The following ACSL5 variants were observed in gnomAD, a reference collection of about 807,000 sequenced individuals.
The protein encoded by ACSL5 is long-chain-fatty-acid--CoA ligase 5.
A neutral mutation model predicts 84.9 loss-of-function variants in ACSL5; 50 were observed. The ratio of observed to expected loss-of-function variants is 0.59; its 90% CI spans 0.47 to 0.75. The LOEUF is 0.75. ACSL5 is among the 30% of genes least tolerant of loss of function. The probability of loss-of-function intolerance (pLI) is 0.00; values close to 1 mark genes in which losing one functional copy is unlikely to be tolerated. For missense variants in ACSL5, 775 were observed against 830.4 expected (o/e 0.93, Z 0.82); for synonymous variants, 280 against 300.7 (o/e 0.93, Z 0.71).
At chr10:112,414,352 C>CTTT (rs34464188) in intron 12 of ACSL5, among the ~76,000 whole-genome samples, 62 of 85,492 alleles carry the variant, frequency 7.3e-4, no homozygotes, top group African/African-American at 9.7e-4. Context: ...TTCAGTGATT[C>CTTT]TTTTTTTTTT....
chr10:112,401,565 G>T (rs115591215), intron 3 of ACSL5, among the ~76,000 whole-genome samples: 1,694 of 152,362 alleles, frequency 0.011, 39 homozygotes, highest in African/African-American at 0.038. Flanking sequence ...TTAATGAAAG[G>T]CTAGGCTGTT....
At chr10:112,377,460 G>C (rs1385746691) in intron 1 of ACSL5, among the ~76,000 whole-genome samples, 1 of 152,160 alleles carries the variant, frequency 6.6e-6, no homozygotes, top group Non-Finnish European at 1.5e-5. Context: ...CTTGAACCTA[G>C]GAGGCGGAGG....
Position 112,426,238 on chromosome 10 carries a change from C to T in ACSL5, c.1738-20C>T. The T allele has an allele frequency of 6.2e-7, 1 of 1,604,064 alleles. No individual in the cohort carries two copies. The highest frequency in any genetic ancestry group is 8.5e-7 in the Non-Finnish European group (1 of 1,170,904). On this transcript the variant is annotated intron_variant, in intron 18 of 20. Coordinates refer to ENST00000354655, the MANE Select transcript of ACSL5 (RefSeq NM_203379.2). Reference sequence around the variant, plus strand: ...CATAACTTCTCTCATGCCCTTGCACCTTTTATTTCCTTTCCATAGTCATCC... The same window carrying T: ...CATAACTTCTCTCATGCCCTTGCACTTTTTATTTCCTTTCCATAGTCATCC...
At chr10:112,414,265 A>G (rs1225584826) in intron 12 of ACSL5, among the ~76,000 whole-genome samples, 1 of 152,062 alleles carries the variant, frequency 6.6e-6, no homozygotes, top group Non-Finnish European at 1.5e-5. Flanking sequence ...TTTGTGCCTC[A>G]GCAATCTTCA....
intron 1 of ACSL5, among the ~76,000 whole-genome samples, chr10:112,392,124 G>A (rs1843654507): frequency 6.6e-6 from 1 of 152,188 alleles, no homozygotes; most frequent in South Asian, 2.1e-4. Flanking sequence ...TGTTGGTAAG[G>A]ATCTCTTAAT....
chr10:112,424,479 T>G (rs1844593522), intron 17 of ACSL5: 1 of 152,234 alleles, frequency 6.6e-6, no homozygotes, highest in African/African-American at 2.4e-5. Context: ...GCTAATATAT[T>G]TGTTTCTGTC....
chr10:112,376,676 C>T lies in ACSL5; in HGVS notation c.-30+2407C>T, dbSNP rs555733222. On this transcript the variant is annotated intron_variant, in intron 1 of 20. Transcript: ENST00000354655. ...AAGGATGTGGGGCATGCATGGGGCT[C>T]ACTTTCCTTCTCTCGACTCTCTTGG... Among the ~76,000 whole-genome samples, 220 of 152,164 alleles carry T rather than the reference C, an allele frequency of 1.4e-3. 1 individual carries two copies. Among genetic ancestry groups the T allele is most frequent in the Middle Eastern group, 3.4e-3 (1 of 294 alleles).
At chr10:112,426,520 T>A (rs1844723247) in intron 19 of ACSL5, 161 bp downstream of exon 19, 1 of 637,482 alleles carries the variant, frequency 1.6e-6, no homozygotes, top group Non-Finnish European at 2.7e-6. Context: ...AAAATAAAAC[T>A]CTCTTTTCTA....
At chr10:112,401,698 C>A (rs190278634) in intron 3 of ACSL5, among the ~76,000 whole-genome samples, 80 of 152,334 alleles carry the variant, frequency 5.3e-4, no homozygotes, top group Admixed American at 1.2e-3. Flanking sequence ...CCTCTGCTAG[C>A]ATTTTTATCA....
intron 1 of ACSL5, among the ~76,000 whole-genome samples, chr10:112,377,135 T>C (rs1434501180): frequency 1.3e-5 from 2 of 151,796 alleles, no homozygotes; most frequent in East Asian, 3.9e-4. Context: ...CCACCGGGGC[T>C]TGGTACCTTC....
At chr10:112,421,257 C>CA (rs1179181466) in intron 14 of ACSL5, among the ~76,000 whole-genome samples, 1 of 152,186 alleles carries the variant, frequency 6.6e-6, no homozygotes, top group Non-Finnish European at 1.5e-5. Flanking sequence ...CTCCCAGGTT[C>CA]AAGAGATTCT....
intron 1 of ACSL5, 57 bp from the exon 2 acceptor site, chr10:112,394,861 G>C: frequency 6.3e-7 from 1 of 1,592,044 alleles, no homozygotes; most frequent in Non-Finnish European, 8.5e-7. Flanking sequence ...TAGAGCTATT[G>C]AGTACAAAAA....
chr10:112,413,894 A>G (rs12249109), intron 12 of ACSL5, among the ~76,000 whole-genome samples: 70,459 of 151,858 alleles, frequency 0.46, 16,912 homozygotes, highest in South Asian at 0.58. Flanking sequence ...CTGAAGTGCC[A>G]GGCCCCATGA....
At chr10:112,375,255 C>T (rs2419621) in intron 1 of ACSL5, 35,132 of 151,864 alleles carry the variant, frequency 0.23, 4,110 homozygotes, top group Middle Eastern at 0.28. Flanking sequence ...CTCCTCCAGC[C>T]GTGAGATGAG....
chr10:112,410,563 C>G, intron 8 of ACSL5, 21 bp from the exon 9 acceptor site: 4 of 1,614,122 alleles, frequency 2.5e-6, no homozygotes, highest in Admixed American at 1.7e-5. Context: ...GTGGAATAAG[C>G]CCTTGTGCTT....
At chr10:112,399,158 A>C in intron 3 of ACSL5, 149 bp downstream of exon 3, 1 of 669,918 alleles carries the variant, frequency 1.5e-6, no homozygotes, top group African/African-American at 1.8e-5. Context: ...CAACATTAGA[A>C]CATAGTATTA....
chr10:112,411,885 T>G lies in ACSL5; in HGVS notation c.871-17T>G. On this transcript the variant is annotated splice_polypyrimidine_tract_variant and intron_variant, in intron 10 of 20. Coordinates refer to ENST00000354655, the MANE Select transcript of ACSL5 (RefSeq NM_203379.2). ...TTAATCTCATGTTGCCTCCTCTTACTTCCCTGGCCTACATAGCATGCTTAT... is the reference window on the plus strand; with the variant it reads ...TTAATCTCATGTTGCCTCCTCTTACGTCCCTGGCCTACATAGCATGCTTAT... 2 of 1,608,788 alleles carry G rather than the reference T, an allele frequency of 1.2e-6. No individual in the cohort carries two copies. The highest frequency in any genetic ancestry group is 1.7e-4 in the Middle Eastern group (1 of 6,054).
At chr10:112,376,356 GGAA>G (rs1705805774) in intron 1 of ACSL5, 3 of 1,614,016 alleles carry the variant, frequency 1.9e-6, no homozygotes, top group Non-Finnish European at 2.5e-6. Context: ...CACGAGCGAG[GGAA>G]GAAGGACAGG....
At chr10:112,408,635 G>A (rs1844106416) in intron 6 of ACSL5, 114 bp downstream of exon 6, 1 of 741,946 alleles carries the variant, frequency 1.3e-6, no homozygotes, top group African/African-American at 1.8e-5. Flanking sequence ...AAATGCTGTG[G>A]TCGGAAAATG....
Sources: gnomAD v4.1 joint callset for allele counts (sites outside exome capture counted in the v4.1 genomes callset) on GRCh38, gnomAD v4.1.1 for gene constraint, MANE v1.5 for transcripts, NCBI Gene and HGNC (gene_info 2026-07-23, HGNC 2026-07-21) for gene names.